Variants in ZNF738 observed in about 807,000 individuals in gnomAD.
ZNF738 encodes zinc finger protein 738, also known as protein ZNF738.
Under a neutral mutation model 9.2 loss-of-function variants are expected in ZNF738, and 10 were observed. The observed-to-expected ratio is 1.09, with a 90% CI of 0.67 to 1.85. The LOEUF is 1.85. Among genes scored for constraint, ZNF738 ranks in the 40% most tolerant of loss-of-function variants. The probability of loss-of-function intolerance (pLI) is 0.00; values close to 1 mark genes in which losing one functional copy is unlikely to be tolerated. For missense variants in ZNF738, 346 were observed against 283.6 expected (o/e 1.22, Z -1.58); for synonymous variants, 113 against 94.5 (o/e 1.20, Z -1.14).
rs377294231 is a variant in ZNF738 at position 21,387,911 on chromosome 19, T to C, written c.*4237T>C. 2.8e-4 allele frequency among the ~76,000 whole-genome samples: 43 copies of C among 152,276 alleles called. No homozygotes were observed. The highest frequency in any genetic ancestry group is 9.4e-4 in the African/African-American group (39 of 41,574). On this transcript the variant is annotated 3_prime_UTR_variant, in exon 5 of 5. Transcript: ENST00000683779. ...ATATTGGAAAAGTGTCTTGCAGATATAATAAATGTGGAAAAACACTTTTTC... is the reference window on the plus strand; with the variant it reads ...ATATTGGAAAAGTGTCTTGCAGATACAATAAATGTGGAAAAACACTTTTTC...
At chr19:21,374,446 C>T (rs1415509432) in intron 2 of ZNF738, among the ~76,000 whole-genome samples, 2 of 152,174 alleles carry the variant, frequency 1.3e-5, no homozygotes, top group Non-Finnish European at 2.9e-5. Context: ...CTTCGGTGTG[C>T]GTCAGCACAT....
chr19:21,383,953 A>G lies in ZNF738; in HGVS notation c.*279A>G. On this transcript the variant is annotated 3_prime_UTR_variant, in exon 5 of 5. Transcript: ENST00000683779. ...GGCAAAGCTTTTAACTGTTACTCCT[A>G]CCTTACTGCACATAAGTTGATTCAT... The G allele has an allele frequency of 2.8e-5, 40 of 1,428,584 alleles. No homozygotes were observed. Among genetic ancestry groups the G allele is most frequent in the Non-Finnish European group, 3.8e-5 (39 of 1,017,998 alleles). The allele number at this position is 1,428,584 out of a possible 1,614,324, so 88.5% of individuals were successfully genotyped here.
Position 21,388,425 on chromosome 19 carries a change from GTTC to G in ZNF738, c.*4754_*4756del, listed in dbSNP as rs754626686. Among the ~76,000 whole-genome samples, 7 of 152,244 alleles carry G rather than the reference GTTC, an allele frequency of 4.6e-5. No homozygotes were observed. The highest frequency in any genetic ancestry group is 7.4e-5 in the Non-Finnish European group (5 of 67,992). On this transcript the variant is annotated 3_prime_UTR_variant, in exon 5 of 5. Coordinates refer to ENST00000683779, the MANE Select transcript of ZNF738 (RefSeq NM_001355237.2). ...AGATGCATGATGAAAAAGTGGAGAG[GTTC>G]TTTGTGGTTAACTTATACTCTTGAG...
chr19:21,383,404 A>G lies in ZNF738; in HGVS notation c.858A>G (p.Lys286=), dbSNP rs965703070. 3.4e-6 allele frequency: 2 copies of G among 592,546 alleles called. No individual in the cohort carries two copies. Among genetic ancestry groups the G allele is most frequent in the East Asian group, 2.9e-5 (1 of 34,802 alleles). 36.7% of individuals were successfully genotyped at this position (592,546 alleles called of 1,614,324 possible). The change falls in exon 5 of 5, where the codon AAA becomes AAG. Residue 286 remains lysine, a synonymous_variant. Coordinates refer to ENST00000683779, the MANE Select transcript of ZNF738 (RefSeq NM_001355237.2). ...ATAAGGTAATTCATGCTGGAGAGAA[A>G]CACTACAAATGTGAAAAATGTGGCA... is the stretch of plus-strand genomic sequence containing the variant. The part of the protein sequence containing the change: ...TRHKVIHAGE[K]HYKCEKCGKD...
intron 2 of ZNF738, among the ~76,000 whole-genome samples, chr19:21,364,952 G>A (rs1008346715): frequency 3.7e-5 from 5 of 136,028 alleles, no homozygotes; most frequent in Admixed American, 3.1e-4. Context: ...TAGAGACAGG[G>A]TTTCACCGTG....
At position 21,384,117 on chromosome 19, in the gene ZNF738, T is replaced by A; in HGVS notation, c.*443T>A. The A allele has an allele frequency of 1.3e-6, 2 of 1,513,476 alleles. No individual in the cohort carries two copies. Among genetic ancestry groups the A allele is most frequent in the East Asian group, 2.3e-5 (1 of 44,026 alleles). 93.8% of individuals were successfully genotyped at this position (1,513,476 alleles called of 1,614,324 possible). On this transcript the variant is annotated 3_prime_UTR_variant, in exon 5 of 5. Coordinates refer to ENST00000683779, the MANE Select transcript of ZNF738 (RefSeq NM_001355237.2). ...ATGTGGCAAAGCTTTCTACCGATTATCTTATCTTACTACACATAAGATGAT... is the reference window on the plus strand; with the variant it reads ...ATGTGGCAAAGCTTTCTACCGATTAACTTATCTTACTACACATAAGATGAT...
intron 4 of ZNF738, among the ~76,000 whole-genome samples, chr19:21,382,616 T>G (rs1252139914): frequency 2.6e-5 from 4 of 152,174 alleles, no homozygotes; most frequent in African/African-American, 9.7e-5. Flanking sequence ...CTTTTTTTTC[T>G]TCTGTGTGAC....
chr19:21,388,085 C>G lies in ZNF738; in HGVS notation c.*4411C>G, dbSNP rs1273826216. Among the ~76,000 whole-genome samples the G allele has an allele frequency of 6.6e-6, 1 of 151,998 alleles. No homozygotes were observed. The highest frequency in any genetic ancestry group is 1.5e-5 in the Non-Finnish European group (1 of 67,988). On this transcript the variant is annotated 3_prime_UTR_variant, in exon 5 of 5. Coordinates refer to ENST00000683779, the MANE Select transcript of ZNF738 (RefSeq NM_001355237.2). ...ATAAGGAACTGACACTGCAGATATACTAAGTCAAGAGTTCTGAGTATAGAA... is the reference window on the plus strand; with the variant it reads ...ATAAGGAACTGACACTGCAGATATAGTAAGTCAAGAGTTCTGAGTATAGAA...
Position 21,386,596 on chromosome 19 carries a change from A to G in ZNF738, c.*2922A>G. 1 of 308,562 alleles carries G rather than the reference A, an allele frequency of 3.2e-6. No individual in the cohort carries two copies. The allele number at this position is 308,562 out of a possible 1,614,324, so 19.1% of individuals were successfully genotyped here. A position where few individuals can be genotyped will look rare whatever the true frequency, so the allele number is the denominator to read the frequency against. On this transcript the variant is annotated 3_prime_UTR_variant, in exon 5 of 5. Transcript: ENST00000683779. ...GGAGAGAAACACTACAAATGTGAGG[A>G]ATGTGACAAAGCCTTTAACCAGTCC... is the stretch of plus-strand genomic sequence containing the variant.
At chr19:21,360,920 T>G (rs1443570667) in intron 1 of ZNF738, among the ~76,000 whole-genome samples, 2 of 151,810 alleles carry the variant, frequency 1.3e-5, no homozygotes, top group Non-Finnish European at 2.9e-5. Flanking sequence ...GTTCACGAGG[T>G]TCTCATGCCT....
In ZNF738 at chr19:21,368,861, C is replaced by T. The variant is rs563517087; in HGVS notation, c.97-6377C>T. 4.3e-4 allele frequency among the ~76,000 whole-genome samples: 66 copies of T among 152,196 alleles called. No homozygotes were observed. In the South Asian group the frequency reaches 0.011, roughly 24 times the overall value. ...AAGTGATTCTCCTGCCTCAGCCTCC[C>T]GAGTAGCTGGGATTACAGATACTTG... On this transcript the variant is annotated intron_variant, in intron 2 of 4. Coordinates refer to ENST00000683779, the MANE Select transcript of ZNF738 (RefSeq NM_001355237.2).
At chr19:21,364,307 G>A (rs1973745756) in intron 2 of ZNF738, among the ~76,000 whole-genome samples, 1 of 151,832 alleles carries the variant, frequency 6.6e-6, no homozygotes, top group South Asian at 2.1e-4. Context: ...ATAGAGTGGA[G>A]CCTACAAGAT....
intron 2 of ZNF738, among the ~76,000 whole-genome samples, chr19:21,363,123 T>G (rs773380654): frequency 4.6e-5 from 7 of 152,232 alleles, no homozygotes; most frequent in Admixed American, 2.6e-4. Flanking sequence ...TTTAATGGAA[T>G]TAATAGAATA....
chr19:21,379,946 T>A (rs1341540218), intron 4 of ZNF738, among the ~76,000 whole-genome samples: 1 of 152,182 alleles, frequency 6.6e-6, no homozygotes, highest in African/African-American at 2.4e-5. Context: ...ATATGTGTCA[T>A]CTCATAGAAT....
At position 21,386,745 on chromosome 19, in the gene ZNF738, T is replaced by G. The variant is rs1397122468; in HGVS notation, c.*3071T>G. On this transcript the variant is annotated 3_prime_UTR_variant, in exon 5 of 5. Coordinates refer to ENST00000683779, the MANE Select transcript of ZNF738 (RefSeq NM_001355237.2). The stretch of plus-strand genomic sequence containing the variant: ...TATTTTTAGAGATGGAGTTTCACTC[T>G]TGTTGCCAAGGCTGCAATACTGTGG... 1.1e-5 allele frequency: 2 copies of G among 182,538 alleles called. No homozygotes were observed. The highest frequency in any genetic ancestry group is 2.4e-5 in the African/African-American group (1 of 41,950). The allele number at this position is 182,538 out of a possible 1,614,324, so 11.3% of individuals were successfully genotyped here. A position where few individuals can be genotyped will look rare whatever the true frequency, so the allele number is the denominator to read the frequency against.
At chr19:21,361,996 C>T (rs1183762177) in intron 2 of ZNF738, 138 bp downstream of exon 2, 3 of 562,828 alleles carry the variant, frequency 5.3e-6, no homozygotes, top group Non-Finnish European at 9.6e-6. Flanking sequence ...GCAGGACAAT[C>T]ACTTGATCCC....
intron 2 of ZNF738, among the ~76,000 whole-genome samples, chr19:21,367,626 C>T (rs753531769): frequency 6.6e-5 from 10 of 152,184 alleles, no homozygotes; most frequent in South Asian, 2.1e-4. Flanking sequence ...AGGCTCTGCT[C>T]TCCTGTACAC....
intron 2 of ZNF738, among the ~76,000 whole-genome samples, chr19:21,373,927 TGTG>T (rs1217692014): frequency 6.6e-6 from 1 of 152,170 alleles, no homozygotes; most frequent in African/African-American, 2.4e-5. Context: ...AAAAAATTCT[TGTG>T]GTAGTCAAGG....
chr19:21,384,979 G>T lies in ZNF738; in HGVS notation c.*1305G>T, dbSNP rs7508607. Among the ~76,000 whole-genome samples, 3 of 152,146 alleles carry T rather than the reference G, an allele frequency of 2.0e-5. No homozygotes were observed. Among genetic ancestry groups the T allele is most frequent in the Non-Finnish European group, 2.9e-5 (2 of 68,036 alleles). On this transcript the variant is annotated 3_prime_UTR_variant, in exon 5 of 5. Transcript: ENST00000683779. Reference sequence around the variant, plus strand: ...TACTCATACTTTACTACACATAGGAGAATTCATGCGGAAGAGAATTTCTAC... The same window carrying T: ...TACTCATACTTTACTACACATAGGATAATTCATGCGGAAGAGAATTTCTAC...
Sources: allele counts gnomAD v4.1 joint callset (sites outside exome capture counted in the v4.1 genomes callset), GRCh38; gene constraint gnomAD v4.1.1; transcripts MANE v1.5; gene names NCBI Gene and HGNC (gene_info 2026-07-23, HGNC 2026-07-21).